ATXN1: variants seen among roughly 807,000 people sequenced by gnomAD.
ATXN1 encodes the protein ataxin 1.
ATXN1 carries 8 observed loss-of-function variants against 56.4 expected under a neutral mutation model. The observed-to-expected ratio is 0.14, with a 90% CI of 0.08 to 0.26. ATXN1 has a LOEUF of 0.26. Ranked by LOEUF, ATXN1 falls within the 10% of genes least tolerant of loss-of-function variation. The pLI is 1.00. For synonymous variants in ATXN1, 514 were observed against 494.6 expected (o/e 1.04, Z -0.52); for missense variants, 987 against 1,106.5 (o/e 0.89, Z 1.53).
intron 6 of ATXN1, among the ~76,000 whole-genome samples, chr6:16,451,044 C>T (rs977396296): frequency 6.6e-6 from 1 of 152,220 alleles, no homozygotes; most frequent in Non-Finnish European, 1.5e-5. Context: ...ATGAATCATT[C>T]GGTTCTCCAG....
intron 5 of ATXN1, among the ~76,000 whole-genome samples, chr6:16,517,481 A>C (rs1037021768): frequency 6.6e-6 from 1 of 152,242 alleles, no homozygotes; most frequent in Non-Finnish European, 1.5e-5. Flanking sequence ...AAATTTTAAA[A>C]TAAAGCAGTA....
chr6:16,396,891 G>C (rs1379168665), intron 6 of ATXN1, among the ~76,000 whole-genome samples: 1 of 152,226 alleles, frequency 6.6e-6, no homozygotes, highest in African/African-American at 2.4e-5. Context: ...AGTACAGTAA[G>C]GTGCTGAGTG....
intron 4 of ATXN1, among the ~76,000 whole-genome samples, chr6:16,580,083 G>A (rs1208079906): frequency 2.6e-5 from 4 of 152,114 alleles, no homozygotes; most frequent in African/African-American, 7.2e-5. Flanking sequence ...AAGATGTTCT[G>A]TATATTATTT....
At chr6:16,493,156 C>T (rs989964315) in intron 5 of ATXN1, among the ~76,000 whole-genome samples, 3 of 152,160 alleles carry the variant, frequency 2.0e-5, no homozygotes, top group Non-Finnish European at 4.4e-5. Flanking sequence ...ACAACTTCCC[C>T]GTGCCATCCA....
At chr6:16,624,382 AGATG>A (rs1004729283) in intron 3 of ATXN1, among the ~76,000 whole-genome samples, 1 of 148,656 alleles carries the variant, frequency 6.7e-6, no homozygotes, top group African/African-American at 2.5e-5. Flanking sequence ...AGAGTTCTGG[AGATG>A]GATGGTGGTG....
intron 4 of ATXN1, among the ~76,000 whole-genome samples, chr6:16,570,745 C>G (rs751431582): frequency 5.3e-5 from 8 of 152,136 alleles, no homozygotes; most frequent in Non-Finnish European, 7.4e-5. Context: ...TCTATATATT[C>G]CCCTTATTTT....
intron 6 of ATXN1, among the ~76,000 whole-genome samples, chr6:16,416,091 CAAAAA>C (rs372133593): frequency 6.3e-5 from 7 of 110,536 alleles, no homozygotes; most frequent in Admixed American, 4.7e-4. Flanking sequence ...ACCAAGCTTT[CAAAAA>C]AAAAAAAAAA....
intron 4 of ATXN1, among the ~76,000 whole-genome samples, chr6:16,582,269 A>T (rs1339529691): frequency 2.6e-5 from 4 of 152,170 alleles, no homozygotes; most frequent in African/African-American, 9.7e-5. Context: ...CAAACCAGTT[A>T]TGATGGTGTT....
chr6:16,353,269 C>A (rs1390133665), intron 6 of ATXN1, among the ~76,000 whole-genome samples: 2 of 152,142 alleles, frequency 1.3e-5, no homozygotes, highest in African/African-American at 4.8e-5. Flanking sequence ...AGGCTGAGAA[C>A]GAGGTCTATG....
intron 5 of ATXN1, among the ~76,000 whole-genome samples, chr6:16,502,729 G>A (rs1223405826): frequency 6.6e-6 from 1 of 152,106 alleles, no homozygotes; most frequent in Non-Finnish European, 1.5e-5. Context: ...AATTATTACA[G>A]TCCAATCGCA....
At chr6:16,411,976 A>G (rs1018451695) in intron 6 of ATXN1, among the ~76,000 whole-genome samples, 1 of 152,208 alleles carries the variant, frequency 6.6e-6, no homozygotes, top group African/African-American at 2.4e-5. Flanking sequence ...CTCTCGCACT[A>G]TCTTGCTTAG....
intron 6 of ATXN1, among the ~76,000 whole-genome samples, chr6:16,389,162 C>T (rs1758298518): frequency 6.6e-6 from 1 of 151,728 alleles, no homozygotes; most frequent in Admixed American, 6.6e-5. Flanking sequence ...CATGGTGAAA[C>T]CTCGTCTGTA....
chr6:16,646,816 G>A (rs1195067199), intron 3 of ATXN1, among the ~76,000 whole-genome samples: 1 of 152,188 alleles, frequency 6.6e-6, no homozygotes, highest in African/African-American at 2.4e-5. Context: ...TCACCTACAT[G>A]TTTCCCCTAA....
intron 4 of ATXN1, among the ~76,000 whole-genome samples, chr6:16,557,690 C>A (rs2113735083): frequency 6.6e-6 from 1 of 152,274 alleles, no homozygotes; most frequent in South Asian, 2.1e-4. Context: ...AGAGGTCGAT[C>A]CAAATGAATA....
At chr6:16,721,456 G>A (rs1043499475) in intron 2 of ATXN1, among the ~76,000 whole-genome samples, 2 of 151,932 alleles carry the variant, frequency 1.3e-5, no homozygotes, top group African/African-American at 2.4e-5. Context: ...GTGAGACCTC[G>A]TCTCTACAAA....
At chr6:16,642,609 G>C (rs1262836432) in intron 3 of ATXN1, among the ~76,000 whole-genome samples, 1 of 152,186 alleles carries the variant, frequency 6.6e-6, no homozygotes, top group Non-Finnish European at 1.5e-5. Context: ...ATACTACAGA[G>C]AAATCTTTCA....
chr6:16,452,394 T>C (rs1291243318), intron 6 of ATXN1, among the ~76,000 whole-genome samples: 1 of 152,246 alleles, frequency 6.6e-6, no homozygotes, highest in Admixed American at 6.5e-5. Flanking sequence ...ATTTTGTTGA[T>C]AGCATAAGAT....
chr6:16,563,094 G>T (rs1344328932), intron 4 of ATXN1, among the ~76,000 whole-genome samples: 1 of 151,912 alleles, frequency 6.6e-6, no homozygotes, highest in Non-Finnish European at 1.5e-5. Context: ...CAGGAGCAAC[G>T]GACAGAATTA....
At chr6:16,402,997 T>C (rs975690408) in intron 6 of ATXN1, among the ~76,000 whole-genome samples, 1 of 152,212 alleles carries the variant, frequency 6.6e-6, no homozygotes, top group East Asian at 1.9e-4. Flanking sequence ...AATCTGTAGA[T>C]AGTGAATTTT....
Sources: gnomAD v4.1 joint callset for allele counts (sites outside exome capture counted in the v4.1 genomes callset) on GRCh38, gnomAD v4.1.1 for gene constraint, MANE v1.5 for transcripts, NCBI Gene and HGNC (gene_info 2026-07-23, HGNC 2026-07-21) for gene names.